SHTN1: variants seen among roughly 807,000 people sequenced by gnomAD.
SHTN1 encodes the protein shootin-1.
In SHTN1, 42 loss-of-function variants were observed where a neutral mutation model predicts 83.1. The observed-to-expected ratio is 0.51, with a 90% CI of 0.39 to 0.65. SHTN1 has a LOEUF of 0.65. Ranked by LOEUF, SHTN1 falls within the 30% of genes least tolerant of loss-of-function variation. The pLI is 0.00. For synonymous variants in SHTN1, 224 were observed against 247.7 expected (o/e 0.90, Z 0.90); for missense variants, 622 against 737.8 (o/e 0.84, Z 1.82).
intron 1 of SHTN1, among the ~76,000 whole-genome samples, chr10:117,055,696 T>C (rs1852817624): frequency 6.6e-6 from 1 of 152,172 alleles, no homozygotes; most frequent in Non-Finnish European, 1.5e-5. Flanking sequence ...AGCACAGCCC[T>C]GTCTTTAAAC....
chr10:116,902,746 A>C lies in SHTN1; in HGVS notation c.1481-789T>G, dbSNP rs1847795976. 2.0e-5 allele frequency among the ~76,000 whole-genome samples: 3 copies of C among 152,252 alleles called. No homozygotes were observed. The South Asian group carries it at 6.2e-4, about 31-fold the overall frequency. ...AATGCTTTTAAAACAAAGATAAGTC[A>C]CAAATATGCAAATTAAATGACTATT... On this transcript the variant is annotated intron_variant, in intron 15 of 16. Transcript: ENST00000355371.
At chr10:117,094,106 A>C (rs1471973559) in intron 1 of SHTN1, among the ~76,000 whole-genome samples, 1 of 152,158 alleles carries the variant, frequency 6.6e-6, no homozygotes, top group African/African-American at 2.4e-5. Context: ...CCTCCTGGGC[A>C]CAACTCCGTT....
At chr10:116,956,488 C>A (rs1335835368) in intron 4 of SHTN1, among the ~76,000 whole-genome samples, 1 of 152,116 alleles carries the variant, frequency 6.6e-6, no homozygotes, top group Non-Finnish European at 1.5e-5. Context: ...GTAACTGCCA[C>A]ACAGTAAAAC....
intron 6 of SHTN1, among the ~76,000 whole-genome samples, chr10:116,949,684 AAAAT>A (rs1283382614): frequency 6.6e-6 from 1 of 152,206 alleles, no homozygotes; most frequent in Non-Finnish European, 1.5e-5. Context: ...AAAATACAAT[AAAAT>A]AAAAATGCTG....
At chr10:117,086,094 T>A (rs1235348506) in intron 1 of SHTN1, among the ~76,000 whole-genome samples, 2 of 152,084 alleles carry the variant, frequency 1.3e-5, no homozygotes, top group Non-Finnish European at 2.9e-5. Flanking sequence ...CTAATTTTTT[T>A]ATTTTAGTAG....
chr10:116,911,965 T>G, intron 13 of SHTN1, 122 bp from the exon 14 acceptor site: 1 of 716,496 alleles, frequency 1.4e-6, no homozygotes, highest in Non-Finnish European at 2.4e-6. Context: ...TATATATATT[T>G]TTAAATTAGG....
chr10:116,992,428 C>A (rs1415150540), intron 1 of SHTN1, among the ~76,000 whole-genome samples: 1 of 152,192 alleles, frequency 6.6e-6, no homozygotes, highest in Non-Finnish European at 1.5e-5. Flanking sequence ...TTCTAACTAA[C>A]CCCAAATCTC....
chr10:117,126,288 C>G (rs1249277353), intron 1 of SHTN1: 1 of 159,532 alleles, frequency 6.3e-6, no homozygotes, highest in African/African-American at 2.4e-5. Context: ...CTAAAACCGT[C>G]AAAGCAGGCC....
intron 1 of SHTN1, among the ~76,000 whole-genome samples, chr10:117,064,085 G>A (rs570308396): frequency 6.6e-6 from 1 of 152,266 alleles, no homozygotes; most frequent in South Asian, 2.1e-4. Context: ...GTCTCATTGA[G>A]CACTGGCGTT....
intron 2 of SHTN1, among the ~76,000 whole-genome samples, chr10:116,970,992 G>C (rs556206867): frequency 6.6e-4 from 100 of 152,236 alleles, no homozygotes; most frequent in African/African-American, 2.1e-3. Flanking sequence ...TAACAGTTCT[G>C]TGCAATGGGT....
chr10:117,072,297 T>G (rs1023659804), intron 1 of SHTN1, among the ~76,000 whole-genome samples: 1 of 152,130 alleles, frequency 6.6e-6, no homozygotes, highest in African/African-American at 2.4e-5. Flanking sequence ...TGATTGTGGT[T>G]CCATCATAGC....
intron 2 of SHTN1, among the ~76,000 whole-genome samples, chr10:117,044,866 G>A (rs1225783928): frequency 2.0e-5 from 3 of 152,030 alleles, no homozygotes; most frequent in African/African-American, 7.2e-5. Context: ...GCATATTAAG[G>A]TGCTAAAAAG....
At chr10:117,126,402 G>C (rs1854009524) in exon 1 of SHTN1, 1 of 191,606 alleles carries the variant, frequency 5.2e-6, no homozygotes, top group African/African-American at 2.4e-5. Context: ...GAGAGCTCCA[G>C]GAGTCCCTAG....
intron 4 of SHTN1, among the ~76,000 whole-genome samples, chr10:116,956,661 T>C (rs1319687862): frequency 1.3e-5 from 2 of 152,186 alleles, no homozygotes; most frequent in African/African-American, 4.8e-5. Flanking sequence ...GTGCTTAATA[T>C]ATTACTTCTT....
intron 16 of SHTN1, among the ~76,000 whole-genome samples, chr10:116,887,867 G>T (rs1755941231): frequency 1.3e-5 from 2 of 152,140 alleles, no homozygotes; most frequent in East Asian, 3.9e-4. Flanking sequence ...GTGTGAGTAG[G>T]TCTGGATGTC....
chr10:117,070,322 G>A (rs1161812250), intron 1 of SHTN1, among the ~76,000 whole-genome samples: 1 of 151,996 alleles, frequency 6.6e-6, no homozygotes, highest in African/African-American at 2.4e-5. Context: ...TAAAAAATTT[G>A]ATAACTCCAG....
intron 16 of SHTN1, among the ~76,000 whole-genome samples, chr10:116,891,438 G>T (rs1044374696): frequency 6.6e-6 from 1 of 152,110 alleles, no homozygotes; most frequent in Non-Finnish European, 1.5e-5. Flanking sequence ...ACAGCCGGAC[G>T]GTCTGAACTC....
intron 1 of SHTN1, among the ~76,000 whole-genome samples, chr10:117,099,493 G>A (rs1853557714): frequency 6.6e-6 from 1 of 152,150 alleles, no homozygotes; most frequent in Admixed American, 6.6e-5. Flanking sequence ...CTCTCAGGAT[G>A]TTAAAGCCAG....
chr10:117,017,219 C>T (rs1852192016), intron 2 of SHTN1, among the ~76,000 whole-genome samples: 1 of 152,060 alleles, frequency 6.6e-6, no homozygotes, highest in South Asian at 2.1e-4. Flanking sequence ...AGGCCGGGCG[C>T]GGTGGCTCAC....
Sources: allele counts gnomAD v4.1 joint callset (sites outside exome capture counted in the v4.1 genomes callset), GRCh38; gene constraint gnomAD v4.1.1; transcripts MANE v1.5; gene names NCBI Gene and HGNC (gene_info 2026-07-23, HGNC 2026-07-21).